PRKN: variants seen among roughly 807,000 people sequenced by gnomAD.
The protein encoded by PRKN is parkin RBR E3 ubiquitin protein ligase.
Under a neutral mutation model 59.5 loss-of-function variants are expected in PRKN, and 56 were observed. The observed-to-expected ratio is 0.94, with a 90% confidence interval of 0.76 to 1.18. PRKN has a LOEUF of 1.18. Ranked by LOEUF, PRKN falls within the 50% of genes most tolerant of loss-of-function variation. The pLI is 0.00. For missense variants in PRKN, 657 were observed against 596.4 expected (o/e 1.10, Z -1.06); for synonymous variants, 250 against 222.1 (o/e 1.13, Z -1.12).
At chr6:162,636,229 T>C (rs565220663) in intron 1 of PRKN, among the ~76,000 whole-genome samples, 1 of 144,692 alleles carries the variant, frequency 6.9e-6, no homozygotes, top group East Asian at 2.0e-4. Context: ...AATACATTTG[T>C]TTTTTCTTTT....
Position 161,480,043 on chromosome 6 carries a change from G to A in PRKN, c.1083+68811C>T, listed in dbSNP as rs978504256. 6.6e-6 allele frequency among the ~76,000 whole-genome samples: 1 copy of A among 152,206 alleles called. No homozygotes were observed. The highest frequency in any genetic ancestry group is 6.5e-5 in the Admixed American group (1 of 15,280). ...GGATCATGGAAGCCCAGGTGAAGGT[G>A]AGCCTCTGTCAGCCTCGGCCTTGAT... On this transcript the variant is annotated intron_variant, in intron 9 of 11. Transcript: ENST00000366898. The surrounding 1 kb of genome is among the most constrained non-coding windows in gnomAD (Gnocchi z 4.1).
intron 4 of PRKN, among the ~76,000 whole-genome samples, chr6:162,082,629 T>C (rs193002817): frequency 2.0e-5 from 3 of 152,280 alleles, no homozygotes; most frequent in South Asian, 2.1e-4. Flanking sequence ...TTGGTCTATA[T>C]TGGCTTTCAA....
intron 7 of PRKN, among the ~76,000 whole-genome samples, chr6:161,710,925 A>G (rs1242567830): frequency 6.8e-5 from 4 of 58,952 alleles, no homozygotes; most frequent in Non-Finnish European, 1.3e-4. Context: ...TTCCTTCCTC[A>G]CCCCTTCCTT....
rs1789566138 is a variant in PRKN, at chr6:161,447,879, A to G, written c.1084-61002T>C. On this transcript the variant is annotated intron_variant, in intron 9 of 11. Coordinates refer to ENST00000366898, the MANE Select transcript of PRKN (RefSeq NM_004562.3). This position sits in a 1 kb window ranked among gnomAD's most constrained non-coding sequence, Gnocchi z 4.1. ...TCCAAATTTCACAGGCCTAGAGGAA[A>G]GTTAAGCCCTGGAAATGGAGTTGTG... 6.6e-6 allele frequency among the ~76,000 whole-genome samples: 1 copy of G among 152,180 alleles called. No individual in the cohort carries two copies. Among genetic ancestry groups the G allele is most frequent in the Non-Finnish European group, 1.5e-5 (1 of 68,018 alleles).
chr6:162,476,393 T>C (rs1490831601), intron 1 of PRKN, among the ~76,000 whole-genome samples: 1 of 152,144 alleles, frequency 6.6e-6, no homozygotes, highest in Non-Finnish European at 1.5e-5. Flanking sequence ...AGGGTAGGGT[T>C]CACAACTGTG....
chr6:161,766,199 T>A (rs1473024456), intron 7 of PRKN, among the ~76,000 whole-genome samples: 2 of 152,168 alleles, frequency 1.3e-5, no homozygotes, highest in East Asian at 3.8e-4. Flanking sequence ...ATTTCTGCTA[T>A]GACTTGAAGA....
At chr6:162,063,838 C>T (rs745431369) in intron 4 of PRKN, among the ~76,000 whole-genome samples, 1 of 152,206 alleles carries the variant, frequency 6.6e-6, no homozygotes, top group African/African-American at 2.4e-5. Flanking sequence ...AGCCGCAGCG[C>T]GCAGCCCTGG....
chr6:161,798,188 G>A (rs1263064820), intron 6 of PRKN, among the ~76,000 whole-genome samples: 1 of 152,162 alleles, frequency 6.6e-6, no homozygotes, highest in Non-Finnish European at 1.5e-5. Flanking sequence ...GTGACAGAGG[G>A]AGACTCCTTC....
chr6:162,667,690 C>T (rs753120205), intron 1 of PRKN, among the ~76,000 whole-genome samples: 1 of 152,052 alleles, frequency 6.6e-6, no homozygotes, highest in Non-Finnish European at 1.5e-5. Context: ...AAAAATATAG[C>T]ATACACAGGG....
At chr6:162,665,897 C>T (rs1485432269) in intron 1 of PRKN, among the ~76,000 whole-genome samples, 3 of 152,128 alleles carry the variant, frequency 2.0e-5, no homozygotes, top group Non-Finnish European at 2.9e-5. Context: ...ACCATCTGAT[C>T]TTCAACAAAC....
chr6:162,638,602 C>T (rs545708713), intron 1 of PRKN, among the ~76,000 whole-genome samples: 2 of 152,278 alleles, frequency 1.3e-5, no homozygotes, highest in East Asian at 1.9e-4. Context: ...CTAAAACACG[C>T]ATTCCAGTTG....
chr6:162,295,430 C>G (rs563506002), intron 2 of PRKN, among the ~76,000 whole-genome samples: 3 of 152,154 alleles, frequency 2.0e-5, no homozygotes, highest in Non-Finnish European at 4.4e-5. Context: ...TGGCTACACA[C>G]AGGCCCTGTG....
intron 1 of PRKN, among the ~76,000 whole-genome samples, chr6:162,510,762 A>G (rs562663417): frequency 9.9e-5 from 15 of 152,122 alleles, no homozygotes; most frequent in Admixed American, 3.3e-4. Context: ...TATCTACTAA[A>G]AATGCAAAAA....
At chr6:162,338,436 T>C (rs1282796777) in intron 2 of PRKN, among the ~76,000 whole-genome samples, 2 of 152,098 alleles carry the variant, frequency 1.3e-5, no homozygotes, top group Admixed American at 1.3e-4. Context: ...CTGGTTTTGG[T>C]GGAGACGGGG....
At chr6:161,727,201 C>T (rs1370736299) in intron 7 of PRKN, among the ~76,000 whole-genome samples, 2 of 152,190 alleles carry the variant, frequency 1.3e-5, no homozygotes, top group African/African-American at 2.4e-5. Context: ...TTGTCCTGGA[C>T]AAAGGCAGTG....
intron 7 of PRKN, among the ~76,000 whole-genome samples, chr6:161,635,366 A>G (rs1562572872): frequency 6.6e-6 from 1 of 152,230 alleles, no homozygotes; most frequent in Non-Finnish European, 1.5e-5. Context: ...GAATACTGTT[A>G]GAACATCTGG....
intron 1 of PRKN, among the ~76,000 whole-genome samples, chr6:162,595,345 T>A (rs1006742073): frequency 6.6e-6 from 1 of 151,216 alleles, no homozygotes; most frequent in African/African-American, 2.4e-5. Flanking sequence ...AACCTCCGCC[T>A]CCCGGGTTCA....
intron 1 of PRKN, among the ~76,000 whole-genome samples, chr6:162,665,241 T>A (rs1208547234): frequency 6.6e-6 from 1 of 152,068 alleles, no homozygotes; most frequent in Non-Finnish European, 1.5e-5. Flanking sequence ...GGAAGTCAAG[T>A]TGTCTCTGTT....
intron 7 of PRKN, among the ~76,000 whole-genome samples, chr6:161,619,953 T>C (rs1782831205): frequency 6.6e-6 from 1 of 151,544 alleles, no homozygotes; most frequent in Non-Finnish European, 1.5e-5. Flanking sequence ...CTTACAATTC[T>C]ATAATTGTAT....
Sources: allele counts gnomAD v4.1 joint callset (sites outside exome capture counted in the v4.1 genomes callset), GRCh38; gene constraint gnomAD v4.1.1; non-coding constraint Gnocchi (gnomAD v3.1); transcripts MANE v1.5; gene names NCBI Gene and HGNC (gene_info 2026-07-23, HGNC 2026-07-21).